Variants in PCDHGA4 observed in about 807,000 individuals in gnomAD.
PCDHGA4 encodes protocadherin gamma subfamily A, 4.
Under a neutral mutation model 54.6 loss-of-function variants are expected in PCDHGA4, and 38 were observed. The observed-to-expected ratio is 0.70, with a 90% CI of 0.54 to 0.91. The LOEUF (loss-of-function observed/expected upper bound fraction) is 0.91, where lower values mean the gene tolerates loss of function less well. Among genes scored for constraint, PCDHGA4 ranks in the 40% least tolerant of loss-of-function variants. The probability of loss-of-function intolerance (pLI) is 0.00; values close to 1 mark genes in which losing one functional copy is unlikely to be tolerated. For synonymous variants in PCDHGA4, 511 were observed against 512.9 expected, an observed-to-expected ratio of 1.00 and a Z score of 0.05; for missense variants, 1,298 against 1,220.9, an observed-to-expected ratio of 1.06 and a Z score of -0.94.
At position 141,356,729 on chromosome 5, in the gene PCDHGA4, A is replaced by T; in HGVS notation, c.1622A>T (p.Asn541Ile). 3 of 1,613,954 alleles carry T rather than the reference A, an allele frequency of 1.9e-6. No individual in the cohort carries two copies. Among genetic ancestry groups the T allele is most frequent in the Non-Finnish European group, 2.5e-6 (3 of 1,179,864 alleles). ...TCCTCCTATGTCTCCATCAACTCCA[A>T]TACAGGGATCCTATATGCTCTTTGC... ...PLSSYVSINS[N>I]TGILYALCSF... Residue 541 changes from asparagine to isoleucine, a missense_variant, in exon 1 of 4, where the codon AAT becomes ATT. Coordinates refer to ENST00000571252, the MANE Select transcript of PCDHGA4 (RefSeq NM_018917.4).
chr5:141,436,120 TC>T (rs2154556955), intron 1 of PCDHGA4, among the ~76,000 whole-genome samples: 1 of 152,344 alleles, frequency 6.6e-6, no homozygotes, highest in South Asian at 2.1e-4. Context: ...GAAACCTCTC[TC>T]CTCCATCATC....
intron 3 of PCDHGA4, among the ~76,000 whole-genome samples, chr5:141,510,369 C>G (rs1403924479): frequency 7.1e-6 from 1 of 140,308 alleles, no homozygotes; most frequent in Non-Finnish European, 1.6e-5. Context: ...TACCGAATCT[C>G]TACTCGTGCC....
At chr5:141,371,561 C>G (rs2240697) in intron 1 of PCDHGA4, 742,014 of 1,613,358 alleles carry the variant, frequency 0.46, 178,763 homozygotes, top group African/African-American at 0.84. Flanking sequence ...TAAAAGGAAA[C>G]TTCCCCTTTA....
chr5:141,429,573 T>G (rs1026656206), intron 1 of PCDHGA4, among the ~76,000 whole-genome samples: 3 of 152,206 alleles, frequency 2.0e-5, no homozygotes, highest in Non-Finnish European at 4.4e-5. Context: ...TCAGTTACAT[T>G]TACTTTTGAT....
At chr5:141,492,091 C>A (rs930375969) in intron 1 of PCDHGA4, among the ~76,000 whole-genome samples, 1 of 152,242 alleles carries the variant, frequency 6.6e-6, no homozygotes, top group South Asian at 2.1e-4. Flanking sequence ...CACGCTTCGC[C>A]GGTCTGTAGA....
rs762969886 is a variant in PCDHGA4 at position 141,355,779 on chromosome 5, G to C, written c.672G>C (p.Glu224Asp). The change falls in exon 1 of 4, where the codon GAG becomes GAC. Residue 224 changes from glutamate (E) to aspartate (D), a missense_variant. Physicochemically the swap from Glu to Asp is conservative, Grantham distance 45. Coordinates refer to ENST00000571252, the MANE Select transcript of PCDHGA4 (RefSeq NM_018917.4). ...GGGCCGATGGGATTAAGTACCCAGA[G>C]CTGGTGCTGGAACGCGCTCTAGATC... The part of the protein sequence containing the change: ...QSGADGIKYP[E>D]LVLERALDRE... The C allele has an allele frequency of 6.2e-7, 1 of 1,613,716 alleles. No individual in the cohort carries two copies. The highest frequency in any genetic ancestry group is 2.2e-5 in the East Asian group (1 of 44,882).
At chr5:141,393,976 A>G in intron 1 of PCDHGA4, 1 of 1,613,856 alleles carries the variant, frequency 6.2e-7, no homozygotes, top group Non-Finnish European at 8.5e-7. Flanking sequence ...TACACACGTG[A>G]TAATTTACCT....
chr5:141,411,538 C>G (rs1418802121), intron 1 of PCDHGA4: 1 of 152,268 alleles, frequency 6.6e-6, no homozygotes, highest in Non-Finnish European at 1.5e-5. Context: ...GAGCCCTGAT[C>G]TTGCCACTGC....
intron 1 of PCDHGA4, chr5:141,395,804 A>C (rs150880061): frequency 6.6e-6 from 1 of 152,224 alleles, no homozygotes; most frequent in Non-Finnish European, 1.5e-5. Context: ...ACCATCCTTC[A>C]AAACATGAAC....
In PCDHGA4 at chr5:141,432,776, G is replaced by C. The variant is rs975435403; in HGVS notation, c.2515-62031G>C. 1.9e-6 allele frequency: 3 copies of C among 1,614,172 alleles called. No homozygotes were observed. In the African/African-American group the frequency reaches 4.0e-5, roughly 22 times the overall value. ...GGCCGACAGCATCCCCCAAGTCCTG[G>C]CGGACCTCGGCAGCCTCGAGTCTCC... On this transcript the variant is annotated intron_variant, in intron 1 of 3. Transcript: ENST00000571252. This position sits in a 1 kb window ranked among gnomAD's most constrained non-coding sequence, Gnocchi z 6.0.
intron 1 of PCDHGA4, among the ~76,000 whole-genome samples, chr5:141,464,888 GCCACCATGT>G (rs1351812446): frequency 6.6e-6 from 1 of 152,000 alleles, no homozygotes; most frequent in East Asian, 1.9e-4. Context: ...ACAGATGGAT[GCCACCATGT>G]CCAGCTAATT....
intron 1 of PCDHGA4, among the ~76,000 whole-genome samples, chr5:141,455,967 A>T (rs965245893): frequency 2.7e-5 from 4 of 150,838 alleles, no homozygotes; most frequent in Non-Finnish European, 4.4e-5. Flanking sequence ...GCGCGATCTC[A>T]GCTCACTGCA....
intron 1 of PCDHGA4, chr5:141,366,246 A>G: frequency 6.2e-7 from 1 of 1,613,762 alleles, no homozygotes; most frequent in Non-Finnish European, 8.5e-7. Context: ...GACGCGCTCA[A>G]GCAGAGCCTC....
intron 1 of PCDHGA4, chr5:141,365,140 T>A (rs1248275152): frequency 6.2e-7 from 1 of 1,613,764 alleles, no homozygotes; most frequent in African/African-American, 1.3e-5. Flanking sequence ...CGGATCCAGA[T>A]GAGGGAATAA....
At chr5:141,436,071 A>G (rs1419598304) in intron 1 of PCDHGA4, among the ~76,000 whole-genome samples, 1 of 152,222 alleles carries the variant, frequency 6.6e-6, no homozygotes. Context: ...TAATAAGTAC[A>G]GTGTTCTATA....
intron 1 of PCDHGA4, chr5:141,364,702 C>G (rs1763490824): frequency 1.2e-6 from 2 of 1,613,922 alleles, no homozygotes; most frequent in East Asian, 2.2e-5. Flanking sequence ...TAGAAATAAT[C>G]GATATTAATG....
chr5:141,468,598 G>A (rs1250884127), intron 1 of PCDHGA4: 1 of 152,228 alleles, frequency 6.6e-6, no homozygotes, highest in African/African-American at 2.4e-5. Context: ...TGGGCGCGGT[G>A]GCTCACGCCT....
Position 141,405,226 on chromosome 5 carries a change from C to A in PCDHGA4, c.2514+47605C>A, listed in dbSNP as rs756970325. ...TACAGACCTATTCTCAGGAGTTCTCCCTCACCGCTGACTCAAGGAAGAGTC... is the reference window on the plus strand; with the variant it reads ...TACAGACCTATTCTCAGGAGTTCTCACTCACCGCTGACTCAAGGAAGAGTC... On this transcript the variant is annotated intron_variant, in intron 1 of 3. Coordinates refer to ENST00000571252, the MANE Select transcript of PCDHGA4 (RefSeq NM_018917.4). 3.1e-6 allele frequency: 5 copies of A among 1,614,052 alleles called. No individual in the cohort carries two copies. The East Asian group carries it at 1.1e-4, about 36-fold the overall frequency.
chr5:141,420,993 C>T (rs956578377), intron 1 of PCDHGA4: 2 of 501,412 alleles, frequency 4.0e-6, no homozygotes, highest in Non-Finnish European at 7.0e-6. Context: ...GGCGCCGCTG[C>T]TCACCAATCA....
Sources: allele counts gnomAD v4.1 joint callset (sites outside exome capture counted in the v4.1 genomes callset), GRCh38; gene constraint gnomAD v4.1.1; non-coding constraint Gnocchi (gnomAD v3.1); transcripts MANE v1.5; gene names NCBI Gene and HGNC (gene_info 2026-07-23, HGNC 2026-07-21).